Variants in ESR1 observed in about 807,000 individuals in gnomAD.
ESR1 encodes estrogen receptor.
In ESR1, 12 loss-of-function variants were observed where a neutral mutation model predicts 52.7. That is an observed-to-expected ratio of 0.23 (90% CI 0.15 to 0.37). The LOEUF (loss-of-function observed/expected upper bound fraction) is 0.37, where lower values mean the gene tolerates loss of function less well. Among genes scored for constraint, ESR1 ranks in the 10% least tolerant of loss-of-function variants. ESR1 has a pLI of 1.00. For synonymous variants in ESR1, 305 were observed against 316.8 expected, an observed-to-expected ratio of 0.96 and a Z score of 0.39; for missense variants, 584 against 779.7, an observed-to-expected ratio of 0.75 and a Z score of 2.99.
chr6:151,710,221 T>G (rs1476410527), intron 2 of ESR1, among the ~76,000 whole-genome samples: 1 of 151,986 alleles, frequency 6.6e-6, no homozygotes. Context: ...TTGGCAAGTT[T>G]GATGCTCCCT....
At chr6:151,967,635 C>T (rs1562608579) in intron 4 of ESR1, among the ~76,000 whole-genome samples, 1 of 152,160 alleles carries the variant, frequency 6.6e-6, no homozygotes, top group Non-Finnish European at 1.5e-5. Flanking sequence ...AATAGTGCCA[C>T]AATAAACATA....
chr6:151,678,566 T>C (rs1432213053), intron 1 of ESR1, among the ~76,000 whole-genome samples: 1 of 152,050 alleles, frequency 6.6e-6, no homozygotes, highest in Admixed American at 6.5e-5. Context: ...AAAGTCTCCG[T>C]AGCTGCAAAG....
intron 4 of ESR1, among the ~76,000 whole-genome samples, chr6:152,008,655 A>G (rs2042522970): frequency 6.6e-6 from 1 of 152,060 alleles, no homozygotes; most frequent in African/African-American, 2.4e-5. Context: ...AACTCATGAG[A>G]CACACCCAGA....
At chr6:151,719,940 T>C (rs1207965775) in intron 2 of ESR1, among the ~76,000 whole-genome samples, 1 of 152,204 alleles carries the variant, frequency 6.6e-6, no homozygotes, top group Non-Finnish European at 1.5e-5. Flanking sequence ...AATATTTGAC[T>C]TAGGATACTA....
At chr6:152,075,834 T>G (rs2048694243) in intron 6 of ESR1, among the ~76,000 whole-genome samples, 1 of 152,208 alleles carries the variant, frequency 6.6e-6, no homozygotes, top group African/African-American at 2.4e-5. Flanking sequence ...TTTCTGCATT[T>G]TAGTCTAAGT....
rs10624912 is a variant in ESR1, at chr6:151,736,375, G to GTTTTTTTTTTTTTTTTTTTTT, written c.-71+34385_-71+34386insTTTTTTTTTTTTTTTTTTTTT. Among the ~76,000 whole-genome samples, 457 of 112,616 alleles carry GTTTTTTTTTTTTTTTTTTTTT rather than the reference G, an allele frequency of 4.1e-3. 73 individuals carry two copies. Among genetic ancestry groups the GTTTTTTTTTTTTTTTTTTTTT allele is most frequent in the African/African-American group, 0.017 (448 of 26,084 alleles). 73.9% of individuals were successfully genotyped at this position (112,616 alleles called of 152,430 possible). ...AAATACTTACTGTATTCCAGGTAGT[G>GTTTTTTTTTTTTTTTTTTTTT]TTTTTTTTTTTTTTTGAGATGGAGT... is the stretch of plus-strand genomic sequence containing the variant. On this transcript the variant is annotated intron_variant, in intron 2 of 2. Coordinates refer to the ESR1 transcript ENST00000404742.
chr6:152,065,824 T>C (rs1478040311), intron 6 of ESR1, among the ~76,000 whole-genome samples: 2 of 152,232 alleles, frequency 1.3e-5, no homozygotes, highest in Non-Finnish European at 2.9e-5. Flanking sequence ...TGCTATAGCC[T>C]TGTTCACCTG....
chr6:152,062,892 T>G (rs758966941), intron 6 of ESR1, among the ~76,000 whole-genome samples: 15 of 152,200 alleles, frequency 9.9e-5, no homozygotes, highest in Non-Finnish European at 2.2e-4. Context: ...TCCAGATCCA[T>G]ATAGACTTTT....
chr6:151,987,864 A>G (rs1211735341), intron 4 of ESR1, among the ~76,000 whole-genome samples: 1 of 152,106 alleles, frequency 6.6e-6, no homozygotes, highest in Non-Finnish European at 1.5e-5. Flanking sequence ...TTAAGCATCT[A>G]TTGCTTTGTT....
intron 1 of ESR1, among the ~76,000 whole-genome samples, chr6:151,658,977 C>T (rs1026044235): frequency 2.6e-5 from 4 of 152,128 alleles, no homozygotes; most frequent in South Asian, 4.1e-4. Context: ...GAAGGAAGCT[C>T]GGGGAGCCTA....
At chr6:151,995,444 A>G (rs1258579108) in intron 4 of ESR1, among the ~76,000 whole-genome samples, 2 of 152,120 alleles carry the variant, frequency 1.3e-5, no homozygotes, top group African/African-American at 4.8e-5. Flanking sequence ...ACAAAAGAAA[A>G]TTCTACACAA....
rs557654143 is a variant in ESR1 at position 151,899,011 on chromosome 6, G to A, written c.760+18240G>A. ...GCGCCCCTCACCTCCCGGACGGGGCGGCTGGCCGGGCGGGGGGCTGAACCC... is the reference window on the plus strand; with the variant it reads ...GCGCCCCTCACCTCCCGGACGGGGCAGCTGGCCGGGCGGGGGGCTGAACCC... On this transcript the variant is annotated intron_variant, in intron 3 of 7. Transcript: ENST00000206249. 1.5e-3 allele frequency among the ~76,000 whole-genome samples: 203 copies of A among 132,354 alleles called. No individual in the cohort carries two copies. In the Middle Eastern group the frequency reaches 0.03, roughly 20 times the overall value. 86.8% of individuals were successfully genotyped at this position (132,354 alleles called of 152,430 possible).
At chr6:152,028,349 C>T (rs929634938) in intron 5 of ESR1, among the ~76,000 whole-genome samples, 14 of 152,270 alleles carry the variant, frequency 9.2e-5, no homozygotes, top group Middle Eastern at 6.8e-3. Flanking sequence ...AGCGAGGCAT[C>T]GCCTCACCTG....
At chr6:151,833,570 C>T (rs953385935) in intron 1 of ESR1, among the ~76,000 whole-genome samples, 3 of 152,020 alleles carry the variant, frequency 2.0e-5, no homozygotes, top group African/African-American at 7.3e-5. Flanking sequence ...TCACCATGTC[C>T]ATACACTCAC....
chr6:151,882,153 G>T (rs899917975), intron 3 of ESR1, among the ~76,000 whole-genome samples: 7 of 152,184 alleles, frequency 4.6e-5, no homozygotes, highest in South Asian at 2.1e-4. Context: ...GCAGGAGGAA[G>T]GAGAGGAAAG....
chr6:151,907,082 C>G (rs934545173), intron 3 of ESR1, among the ~76,000 whole-genome samples: 2 of 151,918 alleles, frequency 1.3e-5, no homozygotes, highest in African/African-American at 4.8e-5. Context: ...TGATTCTGAG[C>G]TCTCTTCACT....
At chr6:151,998,686 T>A (rs2041702605) in intron 4 of ESR1, among the ~76,000 whole-genome samples, 1 of 152,174 alleles carries the variant, frequency 6.6e-6, no homozygotes, top group Admixed American at 6.5e-5. Flanking sequence ...TATCACTATA[T>A]CAATTGTTTT....
intron 5 of ESR1, among the ~76,000 whole-genome samples, chr6:152,039,150 C>A (rs1376132853): frequency 2.0e-5 from 3 of 152,178 alleles, no homozygotes; most frequent in Non-Finnish European, 2.9e-5. Flanking sequence ...ATTCTGTTTT[C>A]CCTTTGCCTC....
At chr6:151,774,177 A>G (rs1785758154) in intron 2 of ESR1, among the ~76,000 whole-genome samples, 1 of 152,206 alleles carries the variant, frequency 6.6e-6, no homozygotes, top group Non-Finnish European at 1.5e-5. Context: ...TAACCATTTC[A>G]CTAGTTTGTA....
Sources: gnomAD v4.1 joint callset for allele counts (sites outside exome capture counted in the v4.1 genomes callset) on GRCh38, gnomAD v4.1.1 for gene constraint, MANE v1.5 for transcripts, NCBI Gene and HGNC (gene_info 2026-07-23, HGNC 2026-07-21) for gene names.